KCNC4: variants seen among roughly 807,000 people sequenced by gnomAD.
KCNC4 encodes voltage-gated potassium channel KCNC4.
In KCNC4, 23 loss-of-function variants were observed where a neutral mutation model predicts 42.8. That is an observed-to-expected ratio of 0.54 (90% CI 0.39 to 0.76). The LOEUF is 0.76. Among genes scored for constraint, KCNC4 ranks in the 30% least tolerant of loss-of-function variants. The pLI is 0.00. For missense variants in KCNC4, 751 were observed against 898.2 expected, an observed-to-expected ratio of 0.84 and a Z score of 2.10; for synonymous variants, 422 against 393.5, an observed-to-expected ratio of 1.07 and a Z score of -0.86.
In KCNC4 at chr1:110,210,473, C is replaced by T. The variant is rs1446371361; in HGVS notation, c.-1027C>T. Among the ~76,000 whole-genome samples the T allele has an allele frequency of 1.3e-5, 2 of 151,540 alleles. No individual in the cohort carries two copies. Among genetic ancestry groups the T allele is most frequent in the Admixed American group, 6.6e-5 (1 of 15,246 alleles). ...CGCCCCGCCCGGAGATGGGCAGACG[C>T]GTAGATGGCGTGGCTCCCAGCGCCG... On this transcript the variant is annotated 5_prime_UTR_variant, in exon 1 of 4. Coordinates refer to ENST00000438661, the MANE Select transcript of KCNC4 (RefSeq NM_001039574.3).
intron 1 of KCNC4, among the ~76,000 whole-genome samples, chr1:110,212,588 G>A (rs975059399): frequency 6.6e-6 from 1 of 152,150 alleles, no homozygotes; most frequent in Non-Finnish European, 1.5e-5. Context: ...AGGCAGGGTT[G>A]AGAGGAAGGA....
At chr1:110,257,547 C>T (rs1659355836) in intron 1 of KCNC4, among the ~76,000 whole-genome samples, 1 of 145,990 alleles carries the variant, frequency 6.8e-6, no homozygotes, top group Admixed American at 7.0e-5. Flanking sequence ...AACCCTGTCT[C>T]TACTAAAAAT....
chr1:110,211,610 G>C lies in KCNC4; in HGVS notation c.111G>C (p.Lys37Asn). Residue 37 changes from lysine to asparagine, a missense_variant, in exon 1 of 4, where the codon AAG becomes AAC. Coordinates refer to ENST00000438661, the MANE Select transcript of KCNC4 (RefSeq NM_001039574.3). This position sits in a 1 kb window ranked among gnomAD's most constrained non-coding sequence, Gnocchi z 6.5. ...EEMAKGEASEKIIINVGGTRH... is the reference protein window; with the variant it reads ...EEMAKGEASENIIINVGGTRH... Reference sequence around the variant, plus strand: ...TGGCCAAGGGCGAGGCGTCGGAGAAGATCATCATCAACGTGGGCGGCACGC... The same window carrying C: ...TGGCCAAGGGCGAGGCGTCGGAGAACATCATCATCAACGTGGGCGGCACGC... 1 of 1,614,090 alleles carries C rather than the reference G, an allele frequency of 6.2e-7. No individual in the cohort carries two copies. The highest frequency in any genetic ancestry group is 8.5e-7 in the Non-Finnish European group (1 of 1,179,976).
At chr1:110,220,100 G>T (rs574080906) in intron 1 of KCNC4, 39 of 152,372 alleles carry the variant, frequency 2.6e-4, no homozygotes, top group African/African-American at 8.2e-4. Flanking sequence ...AAAGAGCTTT[G>T]AGCTGAGAGT....
intron 3 of KCNC4, among the ~76,000 whole-genome samples, chr1:110,227,849 C>T (rs1316291983): frequency 6.6e-6 from 1 of 152,136 alleles, no homozygotes; most frequent in Non-Finnish European, 1.5e-5. Flanking sequence ...GTGGACTGCA[C>T]CTGGGGAAGG....
At chr1:110,281,503 A>C (rs537863614) in intron 1 of KCNC4, among the ~76,000 whole-genome samples, 1 of 150,720 alleles carries the variant, frequency 6.6e-6, no homozygotes, top group South Asian at 2.1e-4. Flanking sequence ...GGAAGGGGGA[A>C]GGGGAATTAG....
chr1:110,250,771 CA>C (rs1219542044), downstream of KCNC4, among the ~76,000 whole-genome samples: 1 of 152,138 alleles, frequency 6.6e-6, no homozygotes, highest in African/African-American at 2.4e-5. Context: ...ACCCCCTACA[CA>C]GCCAGTCTGC....
intron 3 of KCNC4, among the ~76,000 whole-genome samples, chr1:110,231,950 C>T (rs1184133356): frequency 6.6e-6 from 1 of 152,158 alleles, no homozygotes; most frequent in African/African-American, 2.4e-5. Context: ...TGCACTCCAC[C>T]TTGACAGGAG....
intron 1 of KCNC4, among the ~76,000 whole-genome samples, chr1:110,281,551 T>TAA (rs199654540): frequency 2.4e-5 from 3 of 126,078 alleles, no homozygotes; most frequent in African/African-American, 8.9e-5. Context: ...CCCACATATG[T>TAA]AAAAACACAC....
At chr1:110,218,186 G>C (rs921957453) in intron 1 of KCNC4, among the ~76,000 whole-genome samples, 1 of 151,996 alleles carries the variant, frequency 6.6e-6, no homozygotes, top group African/African-American at 2.4e-5. Flanking sequence ...CTCTCCCCTC[G>C]ACCCAGCCTG....
rs887985288 is a variant in KCNC4, at chr1:110,223,856, GC to G, written c.1577del (p.Pro526LeufsTer7). On this transcript the variant is annotated frameshift_variant, in exon 2 of 4. Transcript: ENST00000438661. LOFTEE classifies it high-confidence loss of function. This position sits in a 1 kb window ranked among gnomAD's most constrained non-coding sequence, Gnocchi z 7.5. The part of the protein sequence containing the change: ...SPRDSTCSDT[S>X]PPAREEGMIE... The stretch of plus-strand genomic sequence containing the variant: ...CGGGACAGCACCTGCAGTGATACCA[GC>G]CCCCCTGCCCGGGAAGAGGGTATGA... 1.2e-6 allele frequency: 2 copies of G among 1,605,644 alleles called. No homozygotes were observed. Among genetic ancestry groups the G allele is most frequent in the Admixed American group, 1.7e-5 (1 of 59,720 alleles).
Position 110,280,604 on chromosome 1 carries a change from A to C in KCNC4, n.31-1930A>C, listed in dbSNP as rs151288347. 2.5e-3 allele frequency among the ~76,000 whole-genome samples: 386 copies of C among 152,128 alleles called. 1 individual carries two copies. Among genetic ancestry groups the C allele is most frequent in the African/African-American group, 8.9e-3 (371 of 41,492 alleles). On this transcript the variant is annotated intron_variant and non_coding_transcript_variant, in intron 1 of 2. Coordinates refer to the KCNC4 transcript ENST00000412512. Reference sequence around the variant, plus strand: ...CAATCCCCTAATCTCCTGCTACACCATCGCCTAGTTATCTACCCCAACATT... The same window carrying C: ...CAATCCCCTAATCTCCTGCTACACCCTCGCCTAGTTATCTACCCCAACATT...
chr1:110,268,921 G>A (rs903037901), intron 1 of KCNC4, among the ~76,000 whole-genome samples: 2 of 151,554 alleles, frequency 1.3e-5, no homozygotes, highest in Non-Finnish European at 2.9e-5. Flanking sequence ...GTAGAGACGG[G>A]GTTTCACCGT....
intron 1 of KCNC4, among the ~76,000 whole-genome samples, chr1:110,281,011 G>A (rs540476095): frequency 8.7e-4 from 133 of 152,308 alleles, no homozygotes; most frequent in African/African-American, 3.0e-3. Flanking sequence ...TGAGCATCCT[G>A]CCCCAAGTCA....
chr1:110,224,063 G>C, intron 2 of KCNC4, 163 bp downstream of exon 2: 1 of 625,608 alleles, frequency 1.6e-6, no homozygotes, highest in Non-Finnish European at 2.8e-6. Flanking sequence ...GAATTTCTCT[G>C]TCCTCTGGCT....
At chr1:110,239,997 G>A (rs1658994954) in exon 4 of KCNC4, 1 of 151,632 alleles carries the variant, frequency 6.6e-6, no homozygotes, top group African/African-American at 2.4e-5. Flanking sequence ...GAAGGATATG[G>A]TGAGAAAGGA....
chr1:110,243,507 C>T (rs752931917), exon 4 of KCNC4: 1 of 152,418 alleles, frequency 6.6e-6, no homozygotes, highest in Non-Finnish European at 1.5e-5. Context: ...TGCCCCAAGT[C>T]CTTTCCACAC....
In KCNC4 at chr1:110,223,165, C is replaced by A. The variant is rs1428813592; in HGVS notation, c.880C>A (p.Leu294Met). The change falls in exon 2 of 4, where the codon CTG becomes ATG. Residue 294 changes from leucine (L) to methionine (M), a missense_variant. By Grantham distance (15) the Leu-to-Met change is conservative (BLOSUM62 2). Coordinates refer to ENST00000438661, the MANE Select transcript of KCNC4 (RefSeq NM_001039574.3). The surrounding 1 kb of genome is among the most constrained non-coding windows in gnomAD (Gnocchi z 7.5). The part of the protein sequence containing the change: ...IEGVCVLWFT[L>M]EFLVRIVCCP... ...GGGCGTATGTGTGCTGTGGTTCACA[C>A]TGGAGTTCCTGGTGCGCATCGTGTG... 1 of 1,614,236 alleles carries A rather than the reference C, an allele frequency of 6.2e-7. No homozygotes were observed.
At chr1:110,225,827 C>T (rs1571044330) in intron 2 of KCNC4, 148 bp from the exon 3 acceptor site, 7 of 722,142 alleles carry the variant, frequency 9.7e-6, no homozygotes, top group Middle Eastern at 4.0e-4. Flanking sequence ...CTCTGCTCCC[C>T]GGCTCTGGCA....
Sources: gnomAD v4.1 joint callset for allele counts (sites outside exome capture counted in the v4.1 genomes callset) on GRCh38, gnomAD v4.1.1 for gene constraint, Gnocchi (gnomAD v3.1) non-coding constraint, MANE v1.5 for transcripts, NCBI Gene and HGNC (gene_info 2026-07-23, HGNC 2026-07-21) for gene names.